SLC7A14: variants seen among roughly 807,000 people sequenced by gnomAD.
The protein encoded by SLC7A14 is solute carrier family 7 member 14.
Under a neutral mutation model 60.2 loss-of-function variants are expected in SLC7A14, and 37 were observed. That is an observed-to-expected ratio of 0.61 (90% CI 0.47 to 0.81). The LOEUF is 0.81. Ranked by LOEUF, SLC7A14 falls within the 30% of genes least tolerant of loss-of-function variation. The probability of loss-of-function intolerance (pLI) is 0.00; values close to 1 mark genes in which losing one functional copy is unlikely to be tolerated. For missense variants in SLC7A14, 886 were observed against 982.7 expected (o/e 0.90, Z 1.32); for synonymous variants, 399 against 395.8 (o/e 1.01, Z -0.10).
In SLC7A14 at chr3:170,464,537, C is replaced by A. The variant is rs1207200076; in HGVS notation, c.*2518G>T. On this transcript the variant is annotated 3_prime_UTR_variant, in exon 8 of 8. Coordinates refer to ENST00000231706, the MANE Select transcript of SLC7A14 (RefSeq NM_020949.3). ...AAACATGTCTATGTACCTGAAAATACTTTTTCTATCTTAGTGATTTTTTTT... is the reference window on the plus strand; with the variant it reads ...AAACATGTCTATGTACCTGAAAATAATTTTTCTATCTTAGTGATTTTTTTT... 1 of 151,908 alleles carries A rather than the reference C, an allele frequency of 6.6e-6. No homozygotes were observed. The highest frequency in any genetic ancestry group is 1.5e-5 in the Non-Finnish European group (1 of 67,996). 9.4% of individuals were successfully genotyped at this position (151,908 alleles called of 1,614,324 possible). A position where few individuals can be genotyped will look rare whatever the true frequency, so the allele number is the denominator to read the frequency against.
chr3:170,572,295 A>G (rs1714979989), intron 1 of SLC7A14, among the ~76,000 whole-genome samples: 1 of 152,168 alleles, frequency 6.6e-6, no homozygotes, highest in Non-Finnish European at 1.5e-5. Flanking sequence ...ATGGTGTCAG[A>G]TGGCATGGTC....
At chr3:170,495,580 G>C in intron 4 of SLC7A14, 1 of 763,140 alleles carries the variant, frequency 1.3e-6, no homozygotes, top group Non-Finnish European at 2.4e-6. Flanking sequence ...AGCAGCTTCC[G>C]GGGTGGCCTG....
intron 4 of SLC7A14, among the ~76,000 whole-genome samples, chr3:170,488,926 A>C (rs1246781122): frequency 6.6e-6 from 1 of 152,148 alleles, no homozygotes; most frequent in East Asian, 1.9e-4. Context: ...ATCTTAGGGA[A>C]CTCATTCACC....
At chr3:170,538,898 C>G (rs973370980) in intron 1 of SLC7A14, among the ~76,000 whole-genome samples, 4 of 152,166 alleles carry the variant, frequency 2.6e-5, no homozygotes, top group Non-Finnish European at 5.9e-5. Context: ...TTCCATGTTC[C>G]TTTGGGACTC....
rs1339227402 is a variant in SLC7A14 at position 170,532,610 on chromosome 3, C to T, written c.-152-5522G>A. On this transcript the variant is annotated intron_variant, in intron 1 of 7. Coordinates refer to ENST00000231706, the MANE Select transcript of SLC7A14 (RefSeq NM_020949.3). This position sits in a 1 kb window ranked among gnomAD's most constrained non-coding sequence, Gnocchi z 4.0. ...GTAGAGCTTTTAGTACCGCGCCTGG[C>T]GTATAGTGCATGCTGTGGGAGCGTT... Among the ~76,000 whole-genome samples the T allele has an allele frequency of 6.6e-6, 1 of 151,792 alleles. No homozygotes were observed. The highest frequency in any genetic ancestry group is 1.5e-5 in the Non-Finnish European group (1 of 67,958).
At chr3:170,579,922 T>C (rs1408893307) in intron 1 of SLC7A14, among the ~76,000 whole-genome samples, 2 of 152,218 alleles carry the variant, frequency 1.3e-5, no homozygotes, top group Admixed American at 1.3e-4. Flanking sequence ...TGCTTTGTTT[T>C]CTGGGTGAAG....
intron 7 of SLC7A14, among the ~76,000 whole-genome samples, chr3:170,471,717 A>G (rs1990805): frequency 6.6e-6 from 1 of 152,080 alleles, no homozygotes; most frequent in Non-Finnish European, 1.5e-5. Context: ...AGGGCAATCT[A>G]ATATCTTTTG....
chr3:170,557,175 T>C (rs1714508179), intron 1 of SLC7A14, among the ~76,000 whole-genome samples: 1 of 152,200 alleles, frequency 6.6e-6, no homozygotes, highest in Non-Finnish European at 1.5e-5. Flanking sequence ...TATTTATTTT[T>C]GGATAAATTG....
At position 170,544,247 on chromosome 3, in the gene SLC7A14, C is replaced by T. The variant is rs193196049; in HGVS notation, c.-152-17159G>A. Among the ~76,000 whole-genome samples the T allele has an allele frequency of 3.6e-4, 55 of 151,900 alleles. No individual in the cohort carries two copies. In the East Asian group the frequency reaches 0.01, roughly 28 times the overall value. On this transcript the variant is annotated intron_variant, in intron 1 of 7. Coordinates refer to ENST00000231706, the MANE Select transcript of SLC7A14 (RefSeq NM_020949.3). ...ATCTCCAAATAAAAAGGGGTGAACT[C>T]CTCTCGGGACACATTACAGGACTGA...
chr3:170,520,539 A>G (rs1307616865), intron 2 of SLC7A14, among the ~76,000 whole-genome samples: 1 of 152,132 alleles, frequency 6.6e-6, no homozygotes, highest in East Asian at 1.9e-4. Flanking sequence ...AGCCCAATAC[A>G]TTTTTACTGA....
At chr3:170,541,066 C>T (rs1262785220) in intron 1 of SLC7A14, among the ~76,000 whole-genome samples, 2 of 152,252 alleles carry the variant, frequency 1.3e-5, no homozygotes, top group African/African-American at 2.4e-5. Context: ...AGAAAGGATA[C>T]ATCCACACAG....
chr3:170,485,553 G>C (rs991495429), intron 5 of SLC7A14, among the ~76,000 whole-genome samples: 3 of 152,154 alleles, frequency 2.0e-5, no homozygotes, highest in African/African-American at 7.2e-5. Flanking sequence ...TTCTGTGATA[G>C]AAATTCTGGG....
At chr3:170,554,922 A>G (rs967895661) in intron 1 of SLC7A14, among the ~76,000 whole-genome samples, 1 of 152,110 alleles carries the variant, frequency 6.6e-6, no homozygotes, top group African/African-American at 2.4e-5. Context: ...TAATCCCAGC[A>G]CTTTGGGAGG....
intron 4 of SLC7A14, among the ~76,000 whole-genome samples, chr3:170,487,020 T>C (rs1305598861): frequency 6.6e-6 from 1 of 150,378 alleles, no homozygotes; most frequent in African/African-American, 2.4e-5. Flanking sequence ...ATATAAAAGA[T>C]TTTCAGATCT....
chr3:170,500,543 C>T (rs1712573953), intron 3 of SLC7A14, among the ~76,000 whole-genome samples: 1 of 151,176 alleles, frequency 6.6e-6, no homozygotes, highest in South Asian at 2.1e-4. Context: ...TTAGCATTCA[C>T]TGTTATATTA....
At chr3:170,468,933 G>T (rs1739801196) in intron 7 of SLC7A14, among the ~76,000 whole-genome samples, 1 of 152,186 alleles carries the variant, frequency 6.6e-6, no homozygotes, top group African/African-American at 2.4e-5. Flanking sequence ...CCATCCTGGA[G>T]ATTCTGATTT....
At chr3:170,530,074 T>C (rs1015319004) in intron 1 of SLC7A14, among the ~76,000 whole-genome samples, 4 of 152,202 alleles carry the variant, frequency 2.6e-5, no homozygotes, top group Admixed American at 6.5e-5. Flanking sequence ...ACAAAAGTAA[T>C]TGCAGTAAAG....
intron 2 of SLC7A14, among the ~76,000 whole-genome samples, chr3:170,516,433 T>C (rs6796971): frequency 0.12 from 17,930 of 151,888 alleles, 1,239 homozygotes; most frequent in Admixed American, 0.19. Context: ...TTTTTAAATT[T>C]AGGGGTGGGC....
At chr3:170,492,353 A>T (rs1030786816) in intron 4 of SLC7A14, among the ~76,000 whole-genome samples, 20 of 152,254 alleles carry the variant, frequency 1.3e-4, no homozygotes, top group African/African-American at 4.8e-4. Context: ...GTATTGAAAA[A>T]AATTAGCTAG....
Sources: gnomAD v4.1 joint callset for allele counts (sites outside exome capture counted in the v4.1 genomes callset) on GRCh38, gnomAD v4.1.1 for gene constraint, Gnocchi (gnomAD v3.1) non-coding constraint, MANE v1.5 for transcripts, NCBI Gene and HGNC (gene_info 2026-07-23, HGNC 2026-07-21) for gene names.